The following MAML3 variants were observed in gnomAD, a reference collection of about 807,000 sequenced individuals.
MAML3 encodes mastermind like transcriptional coactivator 3, also known as mastermind-like protein 3.
Under a neutral mutation model 101.9 loss-of-function variants are expected in MAML3, and 27 were observed. The observed-to-expected ratio is 0.27, with a 90% confidence interval of 0.20 to 0.37. MAML3 has a LOEUF of 0.37. Among genes scored for constraint, MAML3 ranks in the 10% least tolerant of loss-of-function variants. MAML3 has a pLI of 1.00. For synonymous variants in MAML3, 501 were observed against 555.9 expected (o/e 0.90, Z 1.39); for missense variants, 1,316 against 1,444.9 (o/e 0.91, Z 1.45).
chr4:139,757,290 C>G (rs917606169), intron 2 of MAML3, among the ~76,000 whole-genome samples: 3 of 152,118 alleles, frequency 2.0e-5, no homozygotes, highest in Admixed American at 2.0e-4. Flanking sequence ...CTCCAATACA[C>G]CCTCTAGCCA....
chr4:139,856,692 A>G (rs539886481), intron 2 of MAML3, among the ~76,000 whole-genome samples: 44 of 152,350 alleles, frequency 2.9e-4, no homozygotes, highest in African/African-American at 9.9e-4. Flanking sequence ...AAAATCGGCA[A>G]TCTTTCACCT....
Position 139,725,744 on chromosome 4 carries a change from G to C in MAML3, c.2416+7C>G. The C allele has an allele frequency of 6.2e-7, 1 of 1,613,662 alleles. No homozygotes were observed. Among genetic ancestry groups the C allele is most frequent in the African/African-American group, 1.3e-5 (1 of 75,022 alleles). Reference sequence around the variant, plus strand: ...GTATAAAATGAGAGAGGTTGCACTGGCCTCACCTTGAAACTGATTGACCTG... The same window carrying C: ...GTATAAAATGAGAGAGGTTGCACTGCCCTCACCTTGAAACTGATTGACCTG... On this transcript the variant is annotated splice_region_variant and intron_variant, in intron 4 of 4. Coordinates refer to ENST00000509479, the MANE Select transcript of MAML3 (RefSeq NM_018717.5).
chr4:139,916,525 G>A (rs1438646173), intron 1 of MAML3, among the ~76,000 whole-genome samples: 3 of 152,134 alleles, frequency 2.0e-5, no homozygotes, highest in South Asian at 2.1e-4. Flanking sequence ...CTGAAGCGCC[G>A]ATATAAGGAC....
chr4:140,076,734 A>G (rs1269657166), intron 1 of MAML3, among the ~76,000 whole-genome samples: 1 of 152,128 alleles, frequency 6.6e-6, no homozygotes, highest in East Asian at 1.9e-4. Context: ...TGTCCCTTCT[A>G]ACCATCCAGT....
At chr4:140,097,259 T>A (rs2110990994) in intron 1 of MAML3, among the ~76,000 whole-genome samples, 1 of 152,306 alleles carries the variant, frequency 6.6e-6, no homozygotes, top group Middle Eastern at 3.4e-3. Context: ...CAGGTTCCAC[T>A]TGGGAAATGA....
intron 2 of MAML3, among the ~76,000 whole-genome samples, chr4:139,798,034 GAGAAAGAA>G (rs60781175): frequency 0.2 from 24,238 of 124,236 alleles, 2,596 homozygotes; most frequent in Admixed American, 0.3. Flanking sequence ...AGGAGAGAGA[GAGAAAGAA>G]AGAAAGAAAG....
At position 140,077,535 on chromosome 4, in the gene MAML3, C is replaced by T. The variant is rs866308003; in HGVS notation, c.468+75325G>A. Among the ~76,000 whole-genome samples the T allele has an allele frequency of 1.2e-4, 19 of 152,286 alleles. No individual in the cohort carries two copies. The Middle Eastern group carries it at 0.01, about 82-fold the overall frequency. ...TCCAACTATCATAAAGTTCTGTGAC[C>T]ACTAAACCACTCCAAGCCTCAGTTC... On this transcript the variant is annotated intron_variant, in intron 1 of 4. Transcript: ENST00000509479.
At chr4:140,077,685 C>A (rs981244761) in intron 1 of MAML3, among the ~76,000 whole-genome samples, 1 of 151,970 alleles carries the variant, frequency 6.6e-6, no homozygotes, top group Non-Finnish European at 1.5e-5. Flanking sequence ...TATTATTTAC[C>A]AAGGTAGCCA....
At position 139,717,758 on chromosome 4, in the gene MAML3, GGGA is replaced by G. The variant is rs1268158247; in HGVS notation, c.*1562_*1564del. 6 of 152,444 alleles carry G rather than the reference GGGA, an allele frequency of 3.9e-5. No homozygotes were observed. The highest frequency in any genetic ancestry group is 8.8e-5 in the Non-Finnish European group (6 of 68,232). The allele number at this position is 152,444 out of a possible 1,614,324, so 9.4% of individuals were successfully genotyped here. On this transcript the variant is annotated 3_prime_UTR_variant, in exon 5 of 5. Coordinates refer to ENST00000509479, the MANE Select transcript of MAML3 (RefSeq NM_018717.5). ...AGGCAGCCAGCGTCTAGGACACGGA[GGGA>G]GGAGGGGACAGGAAAAAAGCACACG...
intron 1 of MAML3, among the ~76,000 whole-genome samples, chr4:140,114,761 T>C (rs957865133): frequency 3.3e-5 from 5 of 152,208 alleles, no homozygotes; most frequent in African/African-American, 7.2e-5. Context: ...TTCCATATTA[T>C]AGAAAGCACA....
rs565881381 is a variant in MAML3, at chr4:140,084,566, T to C, written c.468+68294A>G. On this transcript the variant is annotated intron_variant, in intron 1 of 4. Coordinates refer to ENST00000509479, the MANE Select transcript of MAML3 (RefSeq NM_018717.5). The stretch of plus-strand genomic sequence containing the variant: ...TCAACTTCCTGTATCTGAGTATTTA[T>C]GTCTCAGATTTCCCCATTACCTCCT... Among the ~76,000 whole-genome samples, 5 of 152,320 alleles carry C rather than the reference T, an allele frequency of 3.3e-5. No homozygotes were observed. The South Asian group carries it at 1.0e-3, about 32-fold the overall frequency.
chr4:139,988,326 C>T (rs75524714), intron 1 of MAML3, among the ~76,000 whole-genome samples: 1 of 81,954 alleles, frequency 1.2e-5, no homozygotes, highest in Non-Finnish European at 2.3e-5. Context: ...GACTCCGTCT[C>T]AAAAAAAAAA....
At chr4:139,921,246 T>C (rs1733125322) in intron 1 of MAML3, among the ~76,000 whole-genome samples, 1 of 152,220 alleles carries the variant, frequency 6.6e-6, no homozygotes, top group South Asian at 2.1e-4. Context: ...AAGTGGCTTG[T>C]GCTTAACTTC....
chr4:139,948,164 A>C (rs1733766247), intron 1 of MAML3, among the ~76,000 whole-genome samples: 1 of 151,850 alleles, frequency 6.6e-6, no homozygotes, highest in Admixed American at 6.6e-5. Flanking sequence ...CTACACTAAA[A>C]AGTCAAACGT....
intron 2 of MAML3, chr4:139,731,451 A>AT (rs1728713833): frequency 6.4e-6 from 1 of 156,340 alleles, no homozygotes; most frequent in African/African-American, 3.2e-5. Flanking sequence ...AAAAAAAAAA[A>AT]AAAAAAAAAA....
intron 2 of MAML3, among the ~76,000 whole-genome samples, chr4:139,777,650 C>T (rs1578596291): frequency 6.6e-6 from 1 of 152,356 alleles, no homozygotes; most frequent in East Asian, 1.9e-4. Flanking sequence ...CCTCAGCCAC[C>T]CAAGTAACTG....
At chr4:139,721,740 G>A (rs1376758885) in intron 4 of MAML3, among the ~76,000 whole-genome samples, 5 of 152,090 alleles carry the variant, frequency 3.3e-5, no homozygotes, top group African/African-American at 4.8e-5. Context: ...GAAAGATCTG[G>A]GGGAAATCCC....
At chr4:140,047,471 A>G (rs980885137) in intron 1 of MAML3, among the ~76,000 whole-genome samples, 5 of 152,220 alleles carry the variant, frequency 3.3e-5, no homozygotes, top group African/African-American at 1.2e-4. Flanking sequence ...GGTGAAACCG[A>G]GAGGGCTGCA....
At chr4:139,797,605 G>C (rs920689906) in intron 2 of MAML3, among the ~76,000 whole-genome samples, 1 of 152,164 alleles carries the variant, frequency 6.6e-6, no homozygotes. Flanking sequence ...CAGAGAGGCA[G>C]AGACCAGATT....
Sources: gnomAD v4.1 joint callset for allele counts (sites outside exome capture counted in the v4.1 genomes callset) on GRCh38, gnomAD v4.1.1 for gene constraint, MANE v1.5 for transcripts, NCBI Gene and HGNC (gene_info 2026-07-23, HGNC 2026-07-21) for gene names.